PCDHA6: variants seen among roughly 807,000 people sequenced by gnomAD.
PCDHA6 encodes the protein protocadherin alpha 6, also known as protocadherin alpha-6.
A neutral mutation model predicts 60.3 loss-of-function variants in PCDHA6; 55 were observed. The observed-to-expected ratio is 0.91, with a 90% CI of 0.73 to 1.14. PCDHA6 has a LOEUF of 1.14. PCDHA6 is among the 50% of genes most tolerant of loss of function. The pLI is 0.00. For synonymous variants in PCDHA6, 652 were observed against 557.9 expected (o/e 1.17, Z -2.38); for missense variants, 1,327 against 1,256.5 (o/e 1.06, Z -0.85).
chr5:140,994,988 A>G (rs781915746), intron 3 of PCDHA6, among the ~76,000 whole-genome samples: 3 of 152,166 alleles, frequency 2.0e-5, no homozygotes, highest in Non-Finnish European at 4.4e-5. Flanking sequence ...ACCCACTAGA[A>G]GGTTAGTTGG....
intron 1 of PCDHA6, chr5:140,835,572 T>C (rs782594410): frequency 7.4e-6 from 12 of 1,613,768 alleles, no homozygotes; most frequent in South Asian, 2.2e-5. Flanking sequence ...TCCCTTCAAG[T>C]TGGTGTCCAC....
At chr5:140,919,358 T>C (rs2153553560) in intron 1 of PCDHA6, among the ~76,000 whole-genome samples, 1 of 152,356 alleles carries the variant, frequency 6.6e-6, no homozygotes, top group East Asian at 1.9e-4. Flanking sequence ...AATCTAAAAG[T>C]GTCTCCTGCA....
rs142842369 is a variant in PCDHA6, at chr5:140,884,425, T to G, written c.2394+53940T>G. ...TGGTGCTCACGTTGCTGCTGTATAC[T>G]GCGCTGCGGTGCTCGGCACCGCCCA... On this transcript the variant is annotated intron_variant, in intron 1 of 3. Coordinates refer to ENST00000529310, the MANE Select transcript of PCDHA6 (RefSeq NM_018909.4). 1.3e-3 allele frequency: 2,026 copies of G among 1,613,950 alleles called. 4 individuals carry two copies. Among genetic ancestry groups the G allele is most frequent in the Admixed American group, 3.6e-3 (219 of 60,032 alleles).
chr5:140,842,310 T>C (rs2150333905), intron 1 of PCDHA6: 2 of 1,608,760 alleles, frequency 1.2e-6, no homozygotes, highest in Admixed American at 1.7e-5. Flanking sequence ...CATCCTCCCA[T>C]GGCGGGTCAT....
intron 1 of PCDHA6, among the ~76,000 whole-genome samples, chr5:140,911,105 G>A (rs960375597): frequency 3.2e-4 from 48 of 152,082 alleles, no homozygotes; most frequent in African/African-American, 1.2e-3. Flanking sequence ...CTGCCTCAGG[G>A]GAAGCCATCA....
At chr5:140,887,930 A>G (rs1276226662) in intron 1 of PCDHA6, among the ~76,000 whole-genome samples, 1 of 152,096 alleles carries the variant, frequency 6.6e-6, no homozygotes, top group Non-Finnish European at 1.5e-5. Context: ...CAGAGACCAT[A>G]TTTATTTCTT....
chr5:140,858,784 T>C (rs1554152015), intron 1 of PCDHA6: 8 of 401,650 alleles, frequency 2.0e-5, no homozygotes, highest in Non-Finnish European at 3.6e-5. Context: ...TACTTCATGT[T>C]ATTTCATTTC....
chr5:140,856,012 G>T, intron 1 of PCDHA6: 1 of 1,547,012 alleles, frequency 6.5e-7, no homozygotes, highest in Non-Finnish European at 8.8e-7. Context: ...GTTCTAGACC[G>T]CTGATTCGTC....
chr5:140,842,242 T>A (rs1358378131), intron 1 of PCDHA6: 2 of 1,612,266 alleles, frequency 1.2e-6, no homozygotes, highest in Non-Finnish European at 1.7e-6. Flanking sequence ...TTCGGGGTAA[T>A]TTGGATTTTG....
chr5:140,993,509 C>CAT (rs1488940144), intron 3 of PCDHA6, among the ~76,000 whole-genome samples: 3 of 143,600 alleles, frequency 2.1e-5, no homozygotes, highest in African/African-American at 7.8e-5. Flanking sequence ...CACACACACA[C>CAT]GGGGAGAGAG....
At chr5:140,877,317 G>A (rs535177109) in intron 1 of PCDHA6, 1 of 1,613,886 alleles carries the variant, frequency 6.2e-7, no homozygotes. Context: ...AACCGGCGGC[G>A]GTCGGCGCGC....
chr5:140,912,918 G>A (rs1302662045), intron 1 of PCDHA6, among the ~76,000 whole-genome samples: 16 of 152,284 alleles, frequency 1.1e-4, no homozygotes, highest in Middle Eastern at 3.4e-3. Flanking sequence ...ATTGATTTGT[G>A]TATGTTGAAT....
In PCDHA6 at chr5:140,834,653, C is replaced by G. The variant is rs2150223480; in HGVS notation, c.2394+4168C>G. The stretch of plus-strand genomic sequence containing the variant: ...GCATTTTGTTTGTGAATTCTCGGAT[C>G]GACCGCGAGGAGCTGTGCGGGCGGA... On this transcript the variant is annotated intron_variant, in intron 1 of 3. Coordinates refer to ENST00000529310, the MANE Select transcript of PCDHA6 (RefSeq NM_018909.4). 2.5e-6 allele frequency: 4 copies of G among 1,614,190 alleles called. No homozygotes were observed. In the East Asian group the frequency reaches 6.7e-5, roughly 27 times the overall value.
intron 1 of PCDHA6, among the ~76,000 whole-genome samples, chr5:140,832,841 G>C (rs1249318622): frequency 2.6e-5 from 4 of 152,146 alleles, no homozygotes; most frequent in African/African-American, 9.6e-5. Context: ...CCTTGTTGAA[G>C]GAGACCGTGA....
chr5:140,875,449 A>T, intron 1 of PCDHA6: 2 of 1,590,426 alleles, frequency 1.3e-6, no homozygotes, highest in Non-Finnish European at 8.6e-7. Flanking sequence ...GATTGTCCCA[A>T]CTCAGAGGCC....
intron 1 of PCDHA6, chr5:140,871,305 G>A (rs782666863): frequency 3.7e-6 from 6 of 1,613,874 alleles, no homozygotes; most frequent in African/African-American, 1.3e-5. Context: ...GCGCGCCGGG[G>A]AAGCCCACGC....
Position 141,010,878 on chromosome 5 carries a change from A to C in PCDHA6, c.*941A>C, listed in dbSNP as rs2098418656. 1.3e-5 allele frequency: 2 copies of C among 153,770 alleles called. No homozygotes were observed. Among genetic ancestry groups the C allele is most frequent in the South Asian group, 4.1e-4 (2 of 4,830 alleles). The allele number at this position is 153,770 out of a possible 1,614,324, so 9.5% of individuals were successfully genotyped here. ...GAAAGTCTATAGCTATAAATCTTTA[A>C]AGAGAAATATGAATACAATTCCCCT... On this transcript the variant is annotated 3_prime_UTR_variant, in exon 4 of 4. Transcript: ENST00000529310.
chr5:140,970,059 G>C (rs2096380498), intron 1 of PCDHA6, among the ~76,000 whole-genome samples: 1 of 152,150 alleles, frequency 6.6e-6, no homozygotes. Context: ...GTCCAGGGAG[G>C]TATTAGAATG....
chr5:140,927,418 C>T (rs1296760547), intron 1 of PCDHA6: 3 of 1,614,106 alleles, frequency 1.9e-6, no homozygotes, highest in Admixed American at 1.7e-5. Flanking sequence ...CATGGGATCG[C>T]GGGTTGACGG....
Sources: gnomAD v4.1 joint callset for allele counts (sites outside exome capture counted in the v4.1 genomes callset) on GRCh38, gnomAD v4.1.1 for gene constraint, MANE v1.5 for transcripts, NCBI Gene and HGNC (gene_info 2026-07-23, HGNC 2026-07-21) for gene names.